The following USH2A variants were observed in gnomAD, a reference collection of about 807,000 sequenced individuals.
USH2A encodes the protein usherin, also known as Usher syndrome 2A (autosomal recessive, mild).
Under a neutral mutation model 538.9 loss-of-function variants are expected in USH2A, and 443 were observed. The observed-to-expected ratio is 0.82, with a 90% CI of 0.76 to 0.89. The LOEUF is 0.89. Among genes scored for constraint, USH2A ranks in the 40% least tolerant of loss-of-function variants. The probability of loss-of-function intolerance (pLI) is 0.00; values close to 1 mark genes in which losing one functional copy is unlikely to be tolerated. For synonymous variants in USH2A, 2,413 were observed against 2,273.5 expected (o/e 1.06, Z -1.75); for missense variants, 6,633 against 6,324.8 (o/e 1.05, Z -1.65).
chr1:216,000,303 C>A (rs1668238158), intron 33 of USH2A, 100 bp downstream of exon 33: 1 of 1,488,986 alleles, frequency 6.7e-7, no homozygotes, highest in South Asian at 1.1e-5. Flanking sequence ...TGCATTTAAT[C>A]ACAATAAAAT....
At position 216,421,889 on chromosome 1, in the gene USH2A, A is replaced by G. The variant is rs1311348910; in HGVS notation, c.448T>C (p.Leu150=). 6.2e-6 allele frequency: 10 copies of G among 1,613,976 alleles called. No individual in the cohort carries two copies. The highest frequency in any genetic ancestry group is 7.6e-6 in the Non-Finnish European group (9 of 1,179,906). The change falls in exon 2 of 72, where the codon TTA becomes CTA. Residue 150 remains leucine (L), a synonymous_variant. Transcript: ENST00000307340. The part of the protein sequence containing the change: ...PSPKLMASFT[L]AVWLKPEQQG... ...TGCTCAGGTTTCAGCCATACAGCTA[A>G]GGTAAATGATGCCATCAGCTTTGGA...
chr1:215,722,079 A>G (rs1311763224), intron 61 of USH2A, among the ~76,000 whole-genome samples: 1 of 152,054 alleles, frequency 6.6e-6, no homozygotes, highest in Non-Finnish European at 1.5e-5. Flanking sequence ...AAAAAAAAAA[A>G]AAAAAGGGTT....
intron 32 of USH2A, among the ~76,000 whole-genome samples, chr1:216,042,016 T>C (rs2030296870): frequency 6.6e-6 from 1 of 152,036 alleles, no homozygotes; most frequent in Non-Finnish European, 1.5e-5. Context: ...AGAATATCTA[T>C]GTCAAGATAT....
chr1:216,004,152 TGTTA>T (rs1184820851), intron 32 of USH2A, among the ~76,000 whole-genome samples: 19 of 152,314 alleles, frequency 1.2e-4, no homozygotes, highest in African/African-American at 1.7e-4. Context: ...ACATTTGCTA[TGTTA>T]GTTAGATAAC....
intron 4 of USH2A, among the ~76,000 whole-genome samples, chr1:216,354,706 G>C (rs968617501): frequency 2.0e-5 from 3 of 151,410 alleles, no homozygotes; most frequent in Admixed American, 6.6e-5. Context: ...AAAAGAGTGG[G>C]GAAAATGAAA....
rs778320803 is a variant in USH2A, at chr1:215,888,882, A to G, written c.7767T>C (p.His2589=). 6.2e-7 allele frequency: 1 copy of G among 1,614,118 alleles called. No individual in the cohort carries two copies. The highest frequency in any genetic ancestry group is 1.1e-5 in the South Asian group (1 of 91,076). ...ACTTATAGGCAGTGTATGGGTGTAAATGCATCACTGTGCAATTAGTGACAT... is the reference window on the plus strand; with the variant it reads ...ACTTATAGGCAGTGTATGGGTGTAAGTGCATCACTGTGCAATTAGTGACAT... ...PGNVTNCTVM[H]LHPYTAYKFQ... is the part of the protein sequence containing the mutation. The change falls in exon 41 of 72, where the codon CAT becomes CAC. Residue 2589 remains histidine (H), a synonymous_variant. Transcript: ENST00000307340.
At chr1:216,292,095 A>G (rs1380552728) in intron 10 of USH2A, 80 bp downstream of exon 10, 1 of 1,448,380 alleles carries the variant, frequency 6.9e-7, no homozygotes, top group African/African-American at 1.4e-5. Flanking sequence ...AGATAGCAAT[A>G]ACATAATTTA....
chr1:215,944,755 A>ATT (rs1666717206), intron 37 of USH2A, among the ~76,000 whole-genome samples: 1 of 152,262 alleles, frequency 6.6e-6, no homozygotes, highest in Non-Finnish European at 1.5e-5. Flanking sequence ...TGGGTTTACT[A>ATT]TTTTAACTCC....
At chr1:216,414,422 CTATT>C (rs1558078019) in intron 3 of USH2A, among the ~76,000 whole-genome samples, 1 of 151,940 alleles carries the variant, frequency 6.6e-6, no homozygotes, top group African/African-American at 2.4e-5. Flanking sequence ...AGCATATTGT[CTATT>C]TGTTTGTTTA....
intron 44 of USH2A, among the ~76,000 whole-genome samples, chr1:215,865,303 A>T (rs941201401): frequency 2.6e-5 from 4 of 152,198 alleles, no homozygotes; most frequent in Admixed American, 1.3e-4. Flanking sequence ...ATAACAGCAG[A>T]TTGCATTACC....
At chr1:216,074,484 G>A (rs2031682189) in intron 27 of USH2A, among the ~76,000 whole-genome samples, 1 of 152,118 alleles carries the variant, frequency 6.6e-6, no homozygotes, top group Non-Finnish European at 1.5e-5. Context: ...TAGTAACAAT[G>A]ACCATATTGT....
chr1:216,315,036 CAACACTTTTCTTAAAACTAGA>C (rs2102642318), intron 9 of USH2A, among the ~76,000 whole-genome samples: 1 of 152,242 alleles, frequency 6.6e-6, no homozygotes, highest in South Asian at 2.1e-4. Context: ...TTTCAACTGA[CAACACTTTTCTTAAAACTAGA>C]TTCTATTCAA....
intron 38 of USH2A, among the ~76,000 whole-genome samples, chr1:215,911,667 C>G (rs549278513): frequency 1.5e-4 from 23 of 152,070 alleles, no homozygotes; most frequent in Non-Finnish European, 2.9e-4. Flanking sequence ...CTGAAACAAA[C>G]ATAGGAATGA....
At chr1:215,697,743 A>C (rs919928431) in intron 61 of USH2A, among the ~76,000 whole-genome samples, 20 of 151,358 alleles carry the variant, frequency 1.3e-4, no homozygotes, top group Non-Finnish European at 2.4e-4. Flanking sequence ...CTGGTCTTGA[A>C]CTCCCAACCT....
intron 4 of USH2A, among the ~76,000 whole-genome samples, chr1:216,334,801 A>G (rs1327196032): frequency 6.6e-6 from 1 of 151,910 alleles, no homozygotes; most frequent in Non-Finnish European, 1.5e-5. Flanking sequence ...TAACAACAGT[A>G]AAATGACAAA....
intron 3 of USH2A, among the ~76,000 whole-genome samples, chr1:216,404,382 G>A (rs114091589): frequency 0.01 from 1,578 of 152,000 alleles, 29 homozygotes; most frequent in African/African-American, 0.036. Flanking sequence ...AGAAGGAGTC[G>A]CTCTACTAGA....
intron 22 of USH2A, among the ~76,000 whole-genome samples, chr1:216,093,339 G>C (rs2032350866): frequency 6.6e-6 from 1 of 152,160 alleles, no homozygotes; most frequent in African/African-American, 2.4e-5. Context: ...ATACAGGGTA[G>C]GGACAGAGCA....
At chr1:215,722,431 C>T (rs1046157948) in intron 61 of USH2A, among the ~76,000 whole-genome samples, 1 of 151,970 alleles carries the variant, frequency 6.6e-6, no homozygotes, top group African/African-American at 2.4e-5. Flanking sequence ...TTATCTAAGC[C>T]AAAATGAAAA....
chr1:215,757,120 C>T (rs1367991441), intron 58 of USH2A, among the ~76,000 whole-genome samples: 1 of 152,150 alleles, frequency 6.6e-6, no homozygotes, highest in Non-Finnish European at 1.5e-5. Flanking sequence ...CTTTGTGATG[C>T]ATTCTGCCAC....
Sources: gnomAD v4.1 joint callset for allele counts (sites outside exome capture counted in the v4.1 genomes callset) on GRCh38, gnomAD v4.1.1 for gene constraint, MANE v1.5 for transcripts, NCBI Gene and HGNC (gene_info 2026-07-23, HGNC 2026-07-21) for gene names.